The following ST6GAL1 variants were observed in gnomAD, a reference collection of about 807,000 sequenced individuals.
The protein encoded by ST6GAL1 is beta-galactoside alpha-2,6-sialyltransferase 1.
ST6GAL1 carries 20 observed loss-of-function variants against 38.0 expected under a neutral mutation model. The ratio of observed to expected loss-of-function variants is 0.53; its 90% CI spans 0.37 to 0.77. ST6GAL1 has a LOEUF of 0.77. ST6GAL1 is among the 30% of genes least tolerant of loss of function. The pLI, the probability that ST6GAL1 is intolerant of heterozygous loss-of-function variation, is 0.00. For synonymous variants in ST6GAL1, 196 were observed against 188.2 expected (o/e 1.04, Z -0.34); for missense variants, 432 against 496.4 (o/e 0.87, Z 1.23).
chr3:187,052,525 C>A (rs903957442), intron 5 of ST6GAL1, among the ~76,000 whole-genome samples: 1 of 152,156 alleles, frequency 6.6e-6, no homozygotes, highest in Admixed American at 6.5e-5. Flanking sequence ...TCAACTCCCA[C>A]CTGTGAGTGA....
At chr3:186,988,696 T>C (rs1214544633) in intron 2 of ST6GAL1, among the ~76,000 whole-genome samples, 3 of 151,992 alleles carry the variant, frequency 2.0e-5, no homozygotes, top group Non-Finnish European at 4.4e-5. Flanking sequence ...GGGGAATCAC[T>C]TGAGGTCAGA....
At chr3:187,004,360 A>G (rs964146197) in intron 2 of ST6GAL1, among the ~76,000 whole-genome samples, 5 of 152,262 alleles carry the variant, frequency 3.3e-5, no homozygotes, top group African/African-American at 1.2e-4. Flanking sequence ...TCCTATGACT[A>G]GCAAGTGGCA....
At chr3:186,932,320 C>T (rs1323552532) in intron 1 of ST6GAL1, among the ~76,000 whole-genome samples, 2 of 152,080 alleles carry the variant, frequency 1.3e-5, no homozygotes, top group Non-Finnish European at 2.9e-5. Flanking sequence ...GTGGGTCTCC[C>T]AACTCCCACT....
At chr3:187,046,229 C>G (rs1193812615) in intron 4 of ST6GAL1, among the ~76,000 whole-genome samples, 1 of 152,220 alleles carries the variant, frequency 6.6e-6, no homozygotes, top group Non-Finnish European at 1.5e-5. Flanking sequence ...GCAGAACTTA[C>G]TATCTAGCTG....
At chr3:186,957,489 G>A (rs7645517) in intron 1 of ST6GAL1, among the ~76,000 whole-genome samples, 20,070 of 151,970 alleles carry the variant, frequency 0.13, 2,414 homozygotes, top group African/African-American at 0.33. Context: ...ATTATTCTAA[G>A]AAGCCCAACA....
At chr3:186,998,426 A>C (rs946180799) in intron 2 of ST6GAL1, among the ~76,000 whole-genome samples, 3 of 152,212 alleles carry the variant, frequency 2.0e-5, no homozygotes, top group African/African-American at 7.2e-5. Context: ...AATCATAAGA[A>C]AGAGAAAATG....
At chr3:186,941,591 G>A (rs369975761) in intron 1 of ST6GAL1, among the ~76,000 whole-genome samples, 1 of 152,108 alleles carries the variant, frequency 6.6e-6, no homozygotes, top group African/African-American at 2.4e-5. Flanking sequence ...CAAGATGGGC[G>A]GGGGGTGAGG....
chr3:187,043,246 G>A lies in ST6GAL1; in HGVS notation c.543G>A (p.Trp181Ter), dbSNP rs1247829228. The change falls in exon 4 of 8, where the codon TGG becomes TGA. Residue 181 changes from tryptophan (W) to a stop codon, truncating the protein, a stop_gained. Transcript: ENST00000169298. LOFTEE classifies it high-confidence loss of function. ...GCATTAGGACCAAGGCTGGGCCTTG[G>A]GGCAGGTGTGCTGTTGTGTCGTCAG... ...KESIRTKAGP[W>*]GRCAVVSSAG... 6.2e-7 allele frequency: 1 copy of A among 1,614,078 alleles called. No individual in the cohort carries two copies. The highest frequency in any genetic ancestry group is 8.5e-7 in the Non-Finnish European group (1 of 1,180,034).
rs554613744 is a variant in ST6GAL1 at position 187,005,698 on chromosome 3, G to T, written c.-182-33044G>T. The stretch of plus-strand genomic sequence containing the variant: ...TGTTTATTCTCTTTTTAAAAACCTG[G>T]TCCTTGTGCCCAAATTGCTTTTGAG... On this transcript the variant is annotated intron_variant, in intron 2 of 7. Coordinates refer to ENST00000169298, the MANE Select transcript of ST6GAL1 (RefSeq NM_173216.2). Among the ~76,000 whole-genome samples, 11 of 152,200 alleles carry T rather than the reference G, an allele frequency of 7.2e-5. No homozygotes were observed. In the South Asian group the frequency reaches 2.3e-3, roughly 32 times the overall value.
rs531314085 is a variant in ST6GAL1 at position 187,036,002 on chromosome 3, T to C, written c.-182-2740T>C. The stretch of plus-strand genomic sequence containing the variant: ...AATGGAAGAAAATATTTGCAAGCTA[T>C]GCATCTGACAAAGATCTAATATCCA... On this transcript the variant is annotated intron_variant, in intron 2 of 7. Transcript: ENST00000169298. Among the ~76,000 whole-genome samples, 9 of 152,286 alleles carry C rather than the reference T, an allele frequency of 5.9e-5. No individual in the cohort carries two copies. In the South Asian group the frequency reaches 8.3e-4, roughly 14 times the overall value.
chr3:187,000,691 T>C (rs946786417), intron 2 of ST6GAL1, among the ~76,000 whole-genome samples: 1 of 152,256 alleles, frequency 6.6e-6, no homozygotes, highest in Non-Finnish European at 1.5e-5. Flanking sequence ...TGGCTAGATA[T>C]TTAGGTTGTT....
chr3:187,051,133 TG>T, intron 4 of ST6GAL1, 115 bp from the exon 5 acceptor site: 1 of 878,654 alleles, frequency 1.1e-6, no homozygotes. Context: ...TGGATCATGA[TG>T]GGGTAAAGAT....
At chr3:187,043,427 G>T in intron 4 of ST6GAL1, 117 bp downstream of exon 4, 1 of 1,439,948 alleles carries the variant, frequency 6.9e-7, no homozygotes, top group Non-Finnish European at 9.2e-7. Context: ...AGTGGGCCCA[G>T]GGCAGTGTTT....
At chr3:186,973,984 A>AT (rs1328714824) in intron 2 of ST6GAL1, among the ~76,000 whole-genome samples, 7 of 152,216 alleles carry the variant, frequency 4.6e-5, no homozygotes, top group Admixed American at 4.6e-4. Context: ...ATAGTAACAC[A>AT]ATCAAATGTG....
chr3:186,939,823 CTGTT>C (rs113259883), intron 1 of ST6GAL1, among the ~76,000 whole-genome samples: 49 of 152,314 alleles, frequency 3.2e-4, no homozygotes, highest in African/African-American at 1.1e-3. Context: ...CCCATCCCCT[CTGTT>C]AGTTAGCCCC....
intron 2 of ST6GAL1, among the ~76,000 whole-genome samples, chr3:186,982,708 TTTC>T (rs1409321649): frequency 3.9e-5 from 6 of 152,068 alleles, no homozygotes; most frequent in African/African-American, 1.4e-4. Flanking sequence ...CGAGAAGGAG[TTTC>T]GCTCTTGTTG....
At chr3:187,049,159 G>A (rs1045994903) in intron 4 of ST6GAL1, among the ~76,000 whole-genome samples, 14 of 152,266 alleles carry the variant, frequency 9.2e-5, no homozygotes, top group African/African-American at 3.4e-4. Context: ...CCAAAGTACT[G>A]GGATTACAGG....
At chr3:186,960,481 A>G (rs1185176009) in intron 1 of ST6GAL1, among the ~76,000 whole-genome samples, 1 of 152,202 alleles carries the variant, frequency 6.6e-6, no homozygotes, top group East Asian at 1.9e-4. Flanking sequence ...CTTGTGGGAT[A>G]GGAGGGAGGT....
In ST6GAL1 at chr3:187,021,517, A is replaced by G. The variant is rs374820840; in HGVS notation, c.-182-17225A>G. ...CACTTTGGGAGGCCGAGGTGGGTGG[A>G]TCACCTGAAGTCAGGAGTTCGAGAC... On this transcript the variant is annotated intron_variant, in intron 2 of 7. Transcript: ENST00000169298. Among the ~76,000 whole-genome samples, 3 of 151,992 alleles carry G rather than the reference A, an allele frequency of 2.0e-5. No homozygotes were observed. The East Asian group carries it at 5.9e-4, about 30-fold the overall frequency.
Sources: allele counts gnomAD v4.1 joint callset (sites outside exome capture counted in the v4.1 genomes callset), GRCh38; gene constraint gnomAD v4.1.1; transcripts MANE v1.5; gene names NCBI Gene and HGNC (gene_info 2026-07-23, HGNC 2026-07-21).